Variants in TTC28 observed in about 807,000 individuals in gnomAD.
The protein encoded by TTC28 is tetratricopeptide repeat protein 28.
In TTC28, 61 loss-of-function variants were observed where a neutral mutation model predicts 198.0. The ratio of observed to expected loss-of-function variants is 0.31; its 90% CI spans 0.25 to 0.38. The LOEUF (loss-of-function observed/expected upper bound fraction) is 0.38. Among genes scored for constraint, TTC28 ranks in the 10% least tolerant of loss-of-function variants. The pLI is 1.00. For missense variants in TTC28, 2,678 were observed against 3,164.0 expected, an observed-to-expected ratio of 0.85 and a Z score of 3.69; for synonymous variants, 1,171 against 1,297.8, an observed-to-expected ratio of 0.90 and a Z score of 2.10.
intron 13 of TTC28, among the ~76,000 whole-genome samples, chr22:28,015,922 T>C (rs1265721005): frequency 1.3e-5 from 2 of 151,762 alleles, no homozygotes; most frequent in Admixed American, 6.6e-5. Flanking sequence ...TCCTCTCTGC[T>C]GGTCCAGACC....
chr22:28,244,394 T>C (rs1242825692), intron 5 of TTC28, among the ~76,000 whole-genome samples: 1 of 152,172 alleles, frequency 6.6e-6, no homozygotes, highest in Admixed American at 6.5e-5. Context: ...TCCTTTCAAA[T>C]ATGAGGAAAA....
chr22:28,401,063 A>C (rs2046898514), intron 2 of TTC28, among the ~76,000 whole-genome samples: 1 of 152,106 alleles, frequency 6.6e-6, no homozygotes, highest in South Asian at 2.1e-4. Flanking sequence ...TAAAGGCCAG[A>C]AAAATGGAAA....
intron 2 of TTC28, among the ~76,000 whole-genome samples, chr22:28,345,726 G>A (rs2045893682): frequency 6.6e-6 from 1 of 152,152 alleles, no homozygotes; most frequent in South Asian, 2.1e-4. Context: ...TAAAACCCAG[G>A]AAGGCATATT....
Position 28,317,729 on chromosome 22 carries a change from T to C in TTC28, c.382-11086A>G, listed in dbSNP as rs1278030617. Among the ~76,000 whole-genome samples the C allele has an allele frequency of 2.0e-5, 3 of 152,192 alleles. No homozygotes were observed. In the East Asian group the frequency reaches 5.8e-4, roughly 29 times the overall value. On this transcript the variant is annotated intron_variant, in intron 2 of 22. Coordinates refer to ENST00000397906, the MANE Select transcript of TTC28 (RefSeq NM_001145418.2). The stretch of plus-strand genomic sequence containing the variant: ...AATCTCCAGCCAAAAGGTAGGACTT[T>C]AGTTTCCCTGTGTTGCCATACATAT...
rs558763398 is a variant in TTC28, at chr22:28,136,095, A to G, written c.1441+26997T>C. Among the ~76,000 whole-genome samples, 6 of 152,300 alleles carry G rather than the reference A, an allele frequency of 3.9e-5. No homozygotes were observed. The South Asian group carries it at 1.2e-3, about 32-fold the overall frequency. On this transcript the variant is annotated intron_variant, in intron 6 of 22. Transcript: ENST00000397906. ...GTTTCAAAATGCTTACTATTTTTTG[A>G]TAAAATAAAATTTCTAAGCAATGAC...
chr22:28,675,811 A>T (rs184662978), intron 1 of TTC28, among the ~76,000 whole-genome samples: 68 of 151,550 alleles, frequency 4.5e-4, no homozygotes, highest in Non-Finnish European at 8.2e-4. Flanking sequence ...TTATAGCTGC[A>T]GTGGCTCACA....
chr22:28,031,457 C>T (rs1171254155), intron 12 of TTC28, among the ~76,000 whole-genome samples: 1 of 152,190 alleles, frequency 6.6e-6, no homozygotes, highest in Non-Finnish European at 1.5e-5. Flanking sequence ...CTGCAGGCAG[C>T]AGACAGAGTC....
chr22:28,166,177 A>G (rs934759938), intron 5 of TTC28, among the ~76,000 whole-genome samples: 2 of 152,226 alleles, frequency 1.3e-5, no homozygotes, highest in Non-Finnish European at 2.9e-5. Flanking sequence ...TCATAAAGCA[A>G]GCCCTTAGTG....
rs118125260 is a variant in TTC28, at chr22:28,589,038, T to A, written c.381+40514A>T. On this transcript the variant is annotated intron_variant, in intron 2 of 22. Coordinates refer to ENST00000397906, the MANE Select transcript of TTC28 (RefSeq NM_001145418.2). ...TGTATATTGTATGCTTAAGCCTTCT[T>A]AGCCCTCATTTCTCTTTCTGATCTC... Among the ~76,000 whole-genome samples, 818 of 152,314 alleles carry A rather than the reference T, an allele frequency of 5.4e-3. 20 individuals are homozygous for A. The highest frequency in any genetic ancestry group is 0.037 in the Admixed American group (558 of 15,286).
At chr22:28,548,280 A>G (rs771828595) in intron 2 of TTC28, among the ~76,000 whole-genome samples, 12 of 152,166 alleles carry the variant, frequency 7.9e-5, no homozygotes, top group Non-Finnish European at 1.8e-4. Flanking sequence ...CTCTAAAAAT[A>G]TATGTTTTAA....
intron 12 of TTC28, among the ~76,000 whole-genome samples, chr22:28,074,726 C>T (rs1941111051): frequency 6.6e-6 from 1 of 151,560 alleles, no homozygotes; most frequent in Admixed American, 6.6e-5. Flanking sequence ...TTTGGGCTGA[C>T]ACTACCATTC....
At chr22:28,068,468 A>C (rs567082457) in intron 12 of TTC28, among the ~76,000 whole-genome samples, 3 of 152,326 alleles carry the variant, frequency 2.0e-5, no homozygotes, top group Admixed American at 6.5e-5. Flanking sequence ...TAGAGCTGAT[A>C]CTTCATTCCA....
At chr22:28,465,637 T>A (rs1032266350) in intron 2 of TTC28, among the ~76,000 whole-genome samples, 1 of 151,692 alleles carries the variant, frequency 6.6e-6, no homozygotes, top group African/African-American at 2.4e-5. Flanking sequence ...AAAAAAAAAA[T>A]TATGCCTTAT....
At chr22:28,406,710 A>G (rs1236326793) in intron 2 of TTC28, among the ~76,000 whole-genome samples, 1 of 152,242 alleles carries the variant, frequency 6.6e-6, no homozygotes, top group Non-Finnish European at 1.5e-5. Flanking sequence ...AGAACATCAG[A>G]AGTCCAAGGT....
intron 5 of TTC28, among the ~76,000 whole-genome samples, chr22:28,189,866 GA>G (rs925355515): frequency 2.5e-4 from 37 of 147,040 alleles, no homozygotes; most frequent in South Asian, 1.5e-3. Flanking sequence ...AATATTTAAA[GA>G]AAAAAAAAAG....
chr22:28,345,089 G>A (rs756084773), intron 2 of TTC28, among the ~76,000 whole-genome samples: 1 of 152,048 alleles, frequency 6.6e-6, no homozygotes, highest in East Asian at 1.9e-4. Flanking sequence ...GTAGTATGCC[G>A]CCTCCCTGAC....
At position 28,085,135 on chromosome 22, in the gene TTC28, C is replaced by T. The variant is rs138727553; in HGVS notation, c.3932+8945G>A. Among the ~76,000 whole-genome samples the T allele has an allele frequency of 9.0e-3, 1,363 of 152,142 alleles. 22 individuals are homozygous for T. Among genetic ancestry groups the T allele is most frequent in the African/African-American group, 0.031 (1,290 of 41,510 alleles). ...TCCCCAATCTAGCAAGGCAGGCCAACATTCAAATTCAGGAAATACAGAGAA... is the reference window on the plus strand; with the variant it reads ...TCCCCAATCTAGCAAGGCAGGCCAATATTCAAATTCAGGAAATACAGAGAA... On this transcript the variant is annotated intron_variant, in intron 12 of 22. Transcript: ENST00000397906.
intron 2 of TTC28, among the ~76,000 whole-genome samples, chr22:28,409,063 G>A (rs1171049236): frequency 6.6e-6 from 1 of 152,154 alleles, no homozygotes; most frequent in East Asian, 1.9e-4. Context: ...TGTCCTCCTT[G>A]TAATGTTATA....
intron 12 of TTC28, among the ~76,000 whole-genome samples, chr22:28,065,590 T>C (rs1940718285): frequency 6.6e-6 from 1 of 152,238 alleles, no homozygotes; most frequent in African/African-American, 2.4e-5. Flanking sequence ...GTGAGCTCCT[T>C]TGACAGCTCT....
Sources: allele counts gnomAD v4.1 joint callset (sites outside exome capture counted in the v4.1 genomes callset), GRCh38; gene constraint gnomAD v4.1.1; transcripts MANE v1.5; gene names NCBI Gene and HGNC (gene_info 2026-07-23, HGNC 2026-07-21).